The following ATG7 variants were observed in gnomAD, a reference collection of about 807,000 sequenced individuals.
The protein encoded by ATG7 is ubiquitin-like modifier-activating enzyme ATG7.
A neutral mutation model predicts 82.4 loss-of-function variants in ATG7; 70 were observed. The observed-to-expected ratio is 0.85, with a 90% CI of 0.70 to 1.04. The LOEUF is 1.04. Ranked by LOEUF, ATG7 falls within the 50% of genes least tolerant of loss-of-function variation. ATG7 has a pLI of 0.00. For synonymous variants in ATG7, 287 were observed against 313.0 expected, an observed-to-expected ratio of 0.92 and a Z score of 0.88; for missense variants, 792 against 864.3, an observed-to-expected ratio of 0.92 and a Z score of 1.05.
intron 20 of ATG7, among the ~76,000 whole-genome samples, chr3:11,495,933 T>C (rs1383740679): frequency 6.6e-6 from 1 of 152,226 alleles, no homozygotes; most frequent in Non-Finnish European, 1.5e-5. Flanking sequence ...CGTAAGGACT[T>C]ATACTATATT....
At chr3:11,273,482 G>T (rs1281973402) in intron 1 of ATG7, among the ~76,000 whole-genome samples, 1 of 152,148 alleles carries the variant, frequency 6.6e-6, no homozygotes, top group Non-Finnish European at 1.5e-5. Context: ...ATCATTGAAA[G>T]CTGCTAGTTT....
chr3:11,472,815 G>A (rs2087698191), intron 20 of ATG7, among the ~76,000 whole-genome samples: 1 of 151,432 alleles, frequency 6.6e-6, no homozygotes, highest in Non-Finnish European at 1.5e-5. Context: ...GTTTGTGCTG[G>A]AGACTTGGAA....
chr3:11,470,856 G>A lies in ATG7; in HGVS notation c.2079+43930G>A, dbSNP rs918666164. Among the ~76,000 whole-genome samples the A allele has an allele frequency of 3.9e-5, 6 of 152,246 alleles. No individual in the cohort carries two copies. The South Asian group carries it at 1.2e-3, about 32-fold the overall frequency. ...GACTCCAAGTCTGAGGAAGGCACCG[G>A]CATTTATTACTTTCTTGCCGTATTA... On this transcript the variant is annotated intron_variant, in intron 20 of 20. Coordinates refer to ENST00000693202, the MANE Select transcript of ATG7 (RefSeq NM_001349232.2).
intron 3 of ATG7, among the ~76,000 whole-genome samples, chr3:11,293,393 C>T (rs899229539): frequency 6.6e-6 from 1 of 151,386 alleles, no homozygotes; most frequent in Non-Finnish European, 1.5e-5. Flanking sequence ...TAGCCGGGTG[C>T]GGTGGTGCAT....
rs1351944349 is a variant in ATG7, at chr3:11,372,821, CGTGTGCGTGTGTGTGCGTGCGT to C, written c.1876-7149_1876-7128del. On this transcript the variant is annotated intron_variant, in intron 18 of 20. Coordinates refer to ENST00000693202, the MANE Select transcript of ATG7 (RefSeq NM_001349232.2). Reference sequence around the variant, plus strand: ...GGCTGGGTGTGTGTGTGTGTGCGCGCGTGTGCGTGTGTGTGCGTGCGTGCGTGTGCGTGTGTGTGTGTGAAAT... The same window carrying C: ...GGCTGGGTGTGTGTGTGTGTGCGCGCGCGTGTGCGTGTGTGTGTGTGAAAT... 4.0e-5 allele frequency among the ~76,000 whole-genome samples: 5 copies of C among 125,396 alleles called. 1 individual carries two copies. Among genetic ancestry groups the C allele is most frequent in the African/African-American group, 1.1e-4 (3 of 26,596 alleles). 82.3% of individuals were successfully genotyped at this position (125,396 alleles called of 152,430 possible). A position where few individuals can be genotyped will look rare whatever the true frequency, so the allele number is the denominator to read the frequency against.
chr3:11,571,879 G>A, the ATG7 span, among the ~76,000 whole-genome samples: 2 of 152,056 alleles, frequency 1.3e-5, no homozygotes, highest in African/African-American at 2.4e-5. Context: ...GGCCGAGGCC[G>A]GCAGATGGCT....
At chr3:11,332,547 C>T (rs1951801788) in intron 10 of ATG7, among the ~76,000 whole-genome samples, 1 of 152,146 alleles carries the variant, frequency 6.6e-6, no homozygotes, top group South Asian at 2.1e-4. Flanking sequence ...CTACACAGTG[C>T]AAATGGGCTT....
At chr3:11,559,362 C>T (rs771714714), downstream of ATG7, 129 of 1,550,708 alleles carry the variant, frequency 8.3e-5, no homozygotes, top group Non-Finnish European at 1.0e-4. Flanking sequence ...CTGGCAGGCC[C>T]GGGCGCGGCA....
chr3:11,556,673 A>G lies in ATG7; in HGVS notation c.*1830A>G, dbSNP rs1392897377. 6.5e-6 allele frequency: 1 copy of G among 152,786 alleles called. No homozygotes were observed. Among genetic ancestry groups the G allele is most frequent in the African/African-American group, 2.4e-5 (1 of 41,476 alleles). The allele number at this position is 152,786 out of a possible 1,614,324, so 9.5% of individuals were successfully genotyped here. On this transcript the variant is annotated 3_prime_UTR_variant, in exon 21 of 21. Coordinates refer to ENST00000693202, the MANE Select transcript of ATG7 (RefSeq NM_001349232.2). ...TTACAATAGGAAAGGGAAAAATTAA[A>G]TAGCTACATATCATTAACAAATTAA... is the stretch of plus-strand genomic sequence containing the variant.
intron 20 of ATG7, among the ~76,000 whole-genome samples, chr3:11,530,661 C>T (rs2092678370): frequency 6.6e-6 from 1 of 152,154 alleles, no homozygotes; most frequent in Non-Finnish European, 1.5e-5. Context: ...TTTCTCTCTT[C>T]AATCCTTCTT....
At chr3:11,558,349 C>T (rs1339694769), downstream of ATG7, 5 of 759,354 alleles carry the variant, frequency 6.6e-6, no homozygotes, top group South Asian at 9.8e-5. Context: ...ACGCGTAGTT[C>T]CTGCTATCAT....
Position 11,423,632 on chromosome 3 carries a change from A to AGG in ATG7, c.1957-3168_1957-3167dup, listed in dbSNP as rs1221040531. ...TTTATTAAATGCCTTTTTTTTTTCCAGGGGGTTAGGCTGTCAAATTAATTT... is the reference window on the plus strand; with the variant it reads ...TTTATTAAATGCCTTTTTTTTTTCCAGGGGGGGTTAGGCTGTCAAATTAATTT... On this transcript the variant is annotated intron_variant, in intron 19 of 20. Transcript: ENST00000693202. Among the ~76,000 whole-genome samples the AGG allele has an allele frequency of 5.0e-4, 75 of 150,796 alleles. 3 individuals carry two copies. Among genetic ancestry groups the AGG allele is most frequent in the Non-Finnish European group, 4.4e-5 (3 of 67,724 alleles).
intron 9 of ATG7, among the ~76,000 whole-genome samples, chr3:11,322,515 C>T (rs1400052346): frequency 6.6e-6 from 1 of 152,076 alleles, no homozygotes; most frequent in Non-Finnish European, 1.5e-5. Context: ...TTTTAATATA[C>T]AAACTTTTTG....
intron 14 of ATG7, among the ~76,000 whole-genome samples, chr3:11,357,835 C>T (rs777336653): frequency 9.2e-5 from 14 of 151,652 alleles, no homozygotes; most frequent in Non-Finnish European, 1.6e-4. Flanking sequence ...CATAGTGAGA[C>T]CTATCTCTAC....
In ATG7 at chr3:11,292,394, G is replaced by A. The variant is rs929625937; in HGVS notation, c.-10-6292G>A. Among the ~76,000 whole-genome samples the A allele has an allele frequency of 7.2e-5, 11 of 151,844 alleles. No homozygotes were observed. The East Asian group carries it at 1.9e-3, about 27-fold the overall frequency. On this transcript the variant is annotated intron_variant, in intron 3 of 20. Coordinates refer to ENST00000693202, the MANE Select transcript of ATG7 (RefSeq NM_001349232.2). Reference sequence around the variant, plus strand: ...CCTGCGTCAGCCTCCCAAATAGCTGGGATTACAGGCGTGCACCACCACACC... The same window carrying A: ...CCTGCGTCAGCCTCCCAAATAGCTGAGATTACAGGCGTGCACCACCACACC...
At chr3:11,408,407 C>T (rs2080562093) in intron 19 of ATG7, among the ~76,000 whole-genome samples, 1 of 152,198 alleles carries the variant, frequency 6.6e-6, no homozygotes, top group African/African-American at 2.4e-5. Flanking sequence ...TCTGAGCCCT[C>T]CAAACTGTTC....
intron 20 of ATG7, among the ~76,000 whole-genome samples, chr3:11,486,741 G>T (rs1441866661): frequency 6.6e-6 from 1 of 151,550 alleles, no homozygotes; most frequent in Non-Finnish European, 1.5e-5. Flanking sequence ...AGAGTTTTTA[G>T]TATGAAGGGT....
chr3:11,571,349 C>G, the ATG7 span, among the ~76,000 whole-genome samples: 1 of 152,254 alleles, frequency 6.6e-6, no homozygotes, highest in Non-Finnish European at 1.5e-5. Context: ...GCCAGCATCA[C>G]TGCCACAACC....
chr3:11,372,819 C>CGCGTGTGCGTGTGTGTGCGTGCGT (rs1189746730), intron 18 of ATG7, among the ~76,000 whole-genome samples: 4 of 80,402 alleles, frequency 5.0e-5, no homozygotes, highest in Non-Finnish European at 9.1e-5. Flanking sequence ...TGTGTGTGCG[C>CGCGTGTGCGTGTGTGTGCGTGCGT]GCGTGTGCGT....
Sources: allele counts gnomAD v4.1 joint callset (sites outside exome capture counted in the v4.1 genomes callset), GRCh38; gene constraint gnomAD v4.1.1; transcripts MANE v1.5; gene names NCBI Gene and HGNC (gene_info 2026-07-23, HGNC 2026-07-21).